Variants in HECW2 observed in about 807,000 individuals in gnomAD.
HECW2 encodes E3 ubiquitin-protein ligase HECW2.
In HECW2, 61 loss-of-function variants were observed where a neutral mutation model predicts 175.2. The observed-to-expected ratio is 0.35, with a 90% CI of 0.28 to 0.43. The LOEUF is 0.43. Among genes scored for constraint, HECW2 ranks in the 20% least tolerant of loss-of-function variants. The pLI, the probability that HECW2 is intolerant of heterozygous loss-of-function variation, is 1.00. For missense variants in HECW2, 1,524 were observed against 2,000.5 expected (o/e 0.76, Z 4.54); for synonymous variants, 671 against 731.0 (o/e 0.92, Z 1.32).
intron 15 of HECW2, among the ~76,000 whole-genome samples, chr2:196,278,190 T>A (rs1690048410): frequency 7.4e-6 from 1 of 134,364 alleles, no homozygotes; most frequent in South Asian, 2.5e-4. Context: ...ATTCATTTCT[T>A]CCTGTGAGGC....
intron 4 of HECW2, among the ~76,000 whole-genome samples, chr2:196,330,930 AT>A (rs111368084): frequency 1.7e-4 from 26 of 150,626 alleles, no homozygotes; most frequent in African/African-American, 2.7e-4. Context: ...CCCAGGTCTG[AT>A]TTTTTTTTTA....
chr2:196,235,645 A>ATTTT (rs1559454147), intron 21 of HECW2, among the ~76,000 whole-genome samples: 8 of 100,496 alleles, frequency 8.0e-5, no homozygotes, highest in African/African-American at 3.1e-4. Context: ...TAGATGCATT[A>ATTTT]TTCTTTTTTT....
At chr2:196,382,058 A>G (rs1014792015) in intron 2 of HECW2, among the ~76,000 whole-genome samples, 2 of 152,156 alleles carry the variant, frequency 1.3e-5, no homozygotes, top group Admixed American at 1.3e-4. Flanking sequence ...CTATGTTCTG[A>G]CCTGGAAAAA....
At chr2:196,260,876 C>A (rs1163076964) in intron 17 of HECW2, among the ~76,000 whole-genome samples, 1 of 152,198 alleles carries the variant, frequency 6.6e-6, no homozygotes. Context: ...TCAAGCTCTG[C>A]AAGAATTTTT....
At position 196,200,460 on chromosome 2, in the gene HECW2, GT is replaced by G. The variant is rs1686819438; in HGVS notation, c.*816del. The G allele has an allele frequency of 6.6e-6, 1 of 152,548 alleles. No individual in the cohort carries two copies. The highest frequency in any genetic ancestry group is 1.5e-5 in the Non-Finnish European group (1 of 68,012). 9.4% of individuals were successfully genotyped at this position (152,548 alleles called of 1,614,324 possible). On this transcript the variant is annotated 3_prime_UTR_variant, in exon 29 of 29. Coordinates refer to ENST00000644978, the MANE Select transcript of HECW2 (RefSeq NM_001348768.2). ...GTGATACATACAGCATGATAGGTAG[GT>G]TCTTATATACATCTTAAAGAACATA...
intron 2 of HECW2, among the ~76,000 whole-genome samples, chr2:196,404,730 A>G (rs996143973): frequency 2.6e-5 from 4 of 151,216 alleles, no homozygotes; most frequent in Non-Finnish European, 5.9e-5. Flanking sequence ...ACCCCCAGTT[A>G]TCAATTTCCT....
intron 27 of HECW2, 38 bp downstream of exon 27, chr2:196,216,970 T>A: frequency 7.7e-7 from 1 of 1,304,022 alleles, no homozygotes. Flanking sequence ...ACAATAATCA[T>A]ATTGATACAT....
At chr2:196,402,996 G>A (rs997739945) in intron 2 of HECW2, among the ~76,000 whole-genome samples, 15 of 152,018 alleles carry the variant, frequency 9.9e-5, no homozygotes, top group Non-Finnish European at 1.3e-4. Context: ...TCGTAGAGAC[G>A]GAGTTTCACT....
intron 4 of HECW2, among the ~76,000 whole-genome samples, chr2:196,333,256 C>G (rs4850700): frequency 0.64 from 97,759 of 151,696 alleles, 35,229 homozygotes; most frequent in East Asian, 0.93. Context: ...TCAATGACGG[C>G]GTTTTTCTTC....
intron 28 of HECW2, among the ~76,000 whole-genome samples, chr2:196,204,067 T>C (rs113480404): frequency 1.8e-3 from 267 of 152,342 alleles, no homozygotes; most frequent in African/African-American, 6.0e-3. Flanking sequence ...TAATGTTCCA[T>C]TGTATGTATA....
chr2:196,356,165 A>T (rs1693359694), intron 2 of HECW2, among the ~76,000 whole-genome samples: 1 of 152,192 alleles, frequency 6.6e-6, no homozygotes, highest in Admixed American at 6.5e-5. Flanking sequence ...AGAACCTACT[A>T]TGTGCCAGTG....
chr2:196,298,314 G>C (rs1471021271), intron 13 of HECW2, among the ~76,000 whole-genome samples: 1 of 152,012 alleles, frequency 6.6e-6, no homozygotes, highest in Non-Finnish European at 1.5e-5. Flanking sequence ...AACCATTAGA[G>C]GGCAGTAGAA....
intron 2 of HECW2, among the ~76,000 whole-genome samples, chr2:196,352,755 G>C (rs982007628): frequency 6.6e-6 from 1 of 152,016 alleles, no homozygotes; most frequent in Non-Finnish European, 1.5e-5. Context: ...AAAAACAATT[G>C]GTCCTAAACT....
intron 10 of HECW2, among the ~76,000 whole-genome samples, chr2:196,311,305 C>T (rs1207295608): frequency 2.0e-5 from 3 of 152,192 alleles, no homozygotes; most frequent in African/African-American, 7.2e-5. Context: ...CCCAGGTCTT[C>T]AGAATCAGAC....
At chr2:196,320,582 T>C (rs1164730762) in intron 7 of HECW2, 143 bp from the exon 8 acceptor site, 9 of 539,022 alleles carry the variant, frequency 1.7e-5, no homozygotes, top group Non-Finnish European at 1.0e-5. Context: ...AAGCCCATTA[T>C]AGTCCAATGT....
intron 21 of HECW2, among the ~76,000 whole-genome samples, chr2:196,231,839 A>C (rs894610865): frequency 3.3e-5 from 5 of 152,084 alleles, no homozygotes; most frequent in African/African-American, 1.2e-4. Flanking sequence ...AATACAAAAA[A>C]TTAGCAGAAT....
chr2:196,503,318 A>G (rs1413473941), intron 1 of HECW2, among the ~76,000 whole-genome samples: 1 of 152,124 alleles, frequency 6.6e-6, no homozygotes, highest in Non-Finnish European at 1.5e-5. Context: ...AGGTGCATAC[A>G]TTCCCTTGGG....
In HECW2 at chr2:196,196,215, G is replaced by A. The variant is rs1250946274; in HGVS notation, c.*5062C>T. On this transcript the variant is annotated 3_prime_UTR_variant, in exon 29 of 29. Coordinates refer to ENST00000644978, the MANE Select transcript of HECW2 (RefSeq NM_001348768.2). ...ATAATTAGCATTATATTCTTGCGGG[G>A]TGGCACAACTGCTGGGCTCCTCTTT... 1 of 152,224 alleles carries A rather than the reference G, an allele frequency of 6.6e-6. No individual in the cohort carries two copies. The highest frequency in any genetic ancestry group is 1.9e-4 in the East Asian group (1 of 5,196). The allele number at this position is 152,224 out of a possible 1,614,324, so 9.4% of individuals were successfully genotyped here.
chr2:196,248,898 G>C (rs1222502766), intron 19 of HECW2, among the ~76,000 whole-genome samples: 2 of 152,124 alleles, frequency 1.3e-5, no homozygotes, highest in African/African-American at 4.8e-5. Flanking sequence ...TTTTACTTCT[G>C]TTGAAGGTGA....
Sources: gnomAD v4.1 joint callset for allele counts (sites outside exome capture counted in the v4.1 genomes callset) on GRCh38, gnomAD v4.1.1 for gene constraint, MANE v1.5 for transcripts, NCBI Gene and HGNC (gene_info 2026-07-23, HGNC 2026-07-21) for gene names.